The following TMOD3 variants were observed in gnomAD, a reference collection of about 807,000 sequenced individuals.
TMOD3 encodes the protein tropomodulin 3, also known as tropomodulin-3.
TMOD3 carries 20 observed loss-of-function variants against 39.2 expected under a neutral mutation model. That is an observed-to-expected ratio of 0.51 (90% CI 0.36 to 0.74). The LOEUF (loss-of-function observed/expected upper bound fraction) is 0.74, where lower values mean the gene tolerates loss of function less well. Ranked by LOEUF, TMOD3 falls within the 30% of genes least tolerant of loss-of-function variation. TMOD3 has a pLI of 0.00. For synonymous variants in TMOD3, 143 were observed against 145.8 expected, an observed-to-expected ratio of 0.98 and a Z score of 0.14; for missense variants, 381 against 412.8, an observed-to-expected ratio of 0.92 and a Z score of 0.67.
chr15:51,894,680 C>T (rs1346182277), intron 6 of TMOD3, among the ~76,000 whole-genome samples: 1 of 152,078 alleles, frequency 6.6e-6, no homozygotes, highest in Non-Finnish European at 1.5e-5. Flanking sequence ...TAGTATGTAG[C>T]CTTTTGGGTC....
chr15:51,869,219 T>A lies in TMOD3; in HGVS notation c.129T>A (p.Asn43Lys), dbSNP rs1258388560. The part of the protein sequence containing the change: ...ETVLDDLDPE[N>K]ALLPAGFRQK... ...GGCTGATTCATTCTCTCTGGCAGAA[T>A]GCCCTTCTGCCTGCAGGGTTCCGGC... Residue 43 changes from asparagine to lysine, a missense_variant and splice_region_variant, in exon 3 of 10, where the codon AAT (asparagine) becomes AAA (lysine). Asn to Lys is a moderately conservative substitution (Grantham distance 94). Coordinates refer to ENST00000308580, the MANE Select transcript of TMOD3 (RefSeq NM_014547.5). 1.2e-6 allele frequency: 2 copies of A among 1,613,184 alleles called. No individual in the cohort carries two copies. The highest frequency in any genetic ancestry group is 2.2e-5 in the East Asian group (1 of 44,878).
intron 3 of TMOD3, among the ~76,000 whole-genome samples, chr15:51,883,358 G>T (rs1164446406): frequency 6.6e-6 from 1 of 152,014 alleles, no homozygotes; most frequent in Non-Finnish European, 1.5e-5. Context: ...TGTGGATAAG[G>T]ATTATAAAAA....
intron 3 of TMOD3, among the ~76,000 whole-genome samples, chr15:51,876,096 T>C (rs548346549): frequency 1.3e-5 from 2 of 152,310 alleles, no homozygotes; most frequent in East Asian, 3.9e-4. Context: ...AGAGCCTATC[T>C]TTCTTTATTT....
chr15:51,908,648 TG>T, intron 9 of TMOD3, 127 bp from the exon 10 acceptor site: 1 of 504,018 alleles, frequency 2.0e-6, no homozygotes, highest in Non-Finnish European at 3.2e-6. Flanking sequence ...TCATGTGAAC[TG>T]GAAATGGACA....
At chr15:51,852,193 G>C (rs2056365591) in intron 1 of TMOD3, among the ~76,000 whole-genome samples, 1 of 152,246 alleles carries the variant, frequency 6.6e-6, no homozygotes, top group South Asian at 2.1e-4. Flanking sequence ...TATGTCAAAA[G>C]AACAGTAAGT....
chr15:51,890,222 G>T (rs2056585404), intron 5 of TMOD3, among the ~76,000 whole-genome samples: 1 of 149,186 alleles, frequency 6.7e-6, no homozygotes, highest in South Asian at 2.1e-4. Flanking sequence ...AGGCTGGAGT[G>T]CAGTGGTACC....
intron 2 of TMOD3, among the ~76,000 whole-genome samples, chr15:51,867,773 G>A (rs549120831): frequency 4.5e-4 from 69 of 152,286 alleles, no homozygotes; most frequent in African/African-American, 1.3e-3. Flanking sequence ...CCAGAAATAT[G>A]AGACAAGGCA....
intron 3 of TMOD3, among the ~76,000 whole-genome samples, chr15:51,881,132 G>C (rs183652949): frequency 6.6e-6 from 1 of 152,230 alleles, no homozygotes; most frequent in East Asian, 1.9e-4. Context: ...ATGGAGTCTT[G>C]CTATGCAGCC....
At chr15:51,859,564 T>A (rs2056405891) in intron 1 of TMOD3, 2 of 607,986 alleles carry the variant, frequency 3.3e-6, no homozygotes, top group South Asian at 2.8e-5. Context: ...GTTACTGAGT[T>A]GGCACCTGTG....
At chr15:51,902,614 G>T (rs1219045978) in intron 9 of TMOD3, among the ~76,000 whole-genome samples, 1 of 150,832 alleles carries the variant, frequency 6.6e-6, no homozygotes, top group Non-Finnish European at 1.5e-5. Context: ...GGGACTACAG[G>T]CGTGCGCGCC....
At chr15:51,854,236 C>G (rs2056377245) in intron 1 of TMOD3, among the ~76,000 whole-genome samples, 1 of 152,190 alleles carries the variant, frequency 6.6e-6, no homozygotes, top group African/African-American at 2.4e-5. Flanking sequence ...AATCACTCAG[C>G]TCTGTCATTG....
chr15:51,861,095 T>C, intron 1 of TMOD3: 1 of 570,918 alleles, frequency 1.8e-6, no homozygotes, highest in Non-Finnish European at 3.2e-6. Flanking sequence ...TCTGGATCTG[T>C]TCGAAAAGAT....
chr15:51,901,947 A>C lies in TMOD3; in HGVS notation c.935A>C (p.Asn312Thr), dbSNP rs779075167. The change falls in exon 9 of 10, where the codon AAT (asparagine) becomes ACT (threonine). Residue 312 changes from asparagine to threonine, a missense_variant. By Grantham distance (65) the Asn-to-Thr change is moderately conservative. Coordinates refer to ENST00000308580, the MANE Select transcript of TMOD3 (RefSeq NM_014547.5). ...ELEMAKMLEE[N>T]TNILKFGYQF... is the part of the protein sequence containing the mutation. Reference sequence around the variant, plus strand: ...GAAATGGCCAAGATGCTTGAGGAAAATACAAATATCCTTAAATTTGGATAT... The same window carrying C: ...GAAATGGCCAAGATGCTTGAGGAAACTACAAATATCCTTAAATTTGGATAT... 2 of 1,614,178 alleles carry C rather than the reference A, an allele frequency of 1.2e-6. No individual in the cohort carries two copies. The highest frequency in any genetic ancestry group is 2.2e-5 in the South Asian group (2 of 91,084).
At chr15:51,848,367 C>G (rs1400092047) in intron 1 of TMOD3, among the ~76,000 whole-genome samples, 3 of 152,154 alleles carry the variant, frequency 2.0e-5, no homozygotes, top group Non-Finnish European at 4.4e-5. Context: ...TCAACAATCC[C>G]AAGAATACAT....
chr15:51,854,692 T>A (rs1295078812), intron 1 of TMOD3, among the ~76,000 whole-genome samples: 1 of 152,194 alleles, frequency 6.6e-6, no homozygotes, highest in Non-Finnish European at 1.5e-5. Context: ...TCGGGCCTCC[T>A]AGTGTTAATT....
At position 51,901,995 on chromosome 15, in the gene TMOD3, G is replaced by A. The variant is rs1223135586; in HGVS notation, c.983G>A (p.Arg328Gln). The A allele has an allele frequency of 2.5e-6, 4 of 1,614,088 alleles. No individual in the cohort carries two copies. Among genetic ancestry groups the A allele is most frequent in the East Asian group, 2.2e-5 (1 of 44,874 alleles). Residue 328 changes from arginine (R) to glutamine (Q), a missense_variant, in exon 9 of 10, where the codon CGA becomes CAA. Transcript: ENST00000308580. ...TATCAGTTTACACAGCAGGGACCAC[G>A]AACCAGAGCAGCTAATGCTATAACA... ...FGYQFTQQGPRTRAANAITKN... is the reference protein window; with the variant it reads ...FGYQFTQQGPQTRAANAITKN...
chr15:51,878,271 C>T (rs2056515167), intron 3 of TMOD3, among the ~76,000 whole-genome samples: 1 of 152,138 alleles, frequency 6.6e-6, no homozygotes. Flanking sequence ...GTAACTCATG[C>T]CTGTAATCCA....
At chr15:51,832,719 G>A (rs145312063) in intron 1 of TMOD3, among the ~76,000 whole-genome samples, 180 of 152,216 alleles carry the variant, frequency 1.2e-3, no homozygotes, top group African/African-American at 4.2e-3. Context: ...TCACAGGGAG[G>A]ATGAGAGGCT....
At position 51,911,733 on chromosome 15, in the gene TMOD3, CT is replaced by C. The variant is rs2056712864; in HGVS notation, c.*2924del. On this transcript the variant is annotated 3_prime_UTR_variant, in exon 10 of 10. Coordinates refer to ENST00000308580, the MANE Select transcript of TMOD3 (RefSeq NM_014547.5). Reference sequence around the variant, plus strand: ...ATTTGTCTGAATTTTTCCAGTATTCCTACATGAAATTGTATGTATTAAAAAC... The same window carrying C: ...ATTTGTCTGAATTTTTCCAGTATTCCACATGAAATTGTATGTATTAAAAAC... 6.6e-6 allele frequency: 1 copy of C among 151,890 alleles called. No individual in the cohort carries two copies. The highest frequency in any genetic ancestry group is 6.6e-5 in the Admixed American group (1 of 15,244). 9.4% of individuals were successfully genotyped at this position (151,890 alleles called of 1,614,324 possible).
Sources: gnomAD v4.1 joint callset for allele counts (sites outside exome capture counted in the v4.1 genomes callset) on GRCh38, gnomAD v4.1.1 for gene constraint, MANE v1.5 for transcripts, NCBI Gene and HGNC (gene_info 2026-07-23, HGNC 2026-07-21) for gene names.